Variants in SNRPA observed in about 807,000 individuals in gnomAD.
The protein encoded by SNRPA is small nuclear ribonucleoprotein polypeptide A, also known as U1 small nuclear ribonucleoprotein A.
In SNRPA, 10 loss-of-function variants were observed where a neutral mutation model predicts 24.5. The observed-to-expected ratio is 0.41, with a 90% CI of 0.25 to 0.69. The LOEUF is 0.69. Ranked by LOEUF, SNRPA falls within the 30% of genes least tolerant of loss-of-function variation. The pLI is 0.33. For missense variants in SNRPA, 283 were observed against 394.7 expected, an observed-to-expected ratio of 0.72 and a Z score of 2.40; for synonymous variants, 165 against 148.4, an observed-to-expected ratio of 1.11 and a Z score of -0.81.
chr19:40,762,543 C>T (rs966957686), intron 3 of SNRPA, among the ~76,000 whole-genome samples: 1 of 151,832 alleles, frequency 6.6e-6, no homozygotes, highest in East Asian at 2.0e-4. Context: ...CTGCACCTGC[C>T]CTGACTGTCC....
chr19:40,757,546 G>T, intron 2 of SNRPA, 42 bp downstream of exon 2: 1 of 1,551,770 alleles, frequency 6.4e-7, no homozygotes, highest in South Asian at 1.2e-5. Flanking sequence ...TGTGTAAAAT[G>T]TTATAGGAGA....
At chr19:40,757,646 A>G (rs1013629598) in intron 2 of SNRPA, 142 bp downstream of exon 2, 4 of 798,790 alleles carry the variant, frequency 5.0e-6, no homozygotes, top group Non-Finnish European at 1.9e-6. Context: ...TGCCTCATTT[A>G]AAAATCTTTT....
At position 40,752,268 on chromosome 19, in the gene SNRPA, C is replaced by T. The variant is rs952220991; in HGVS notation, c.73+787C>T. 6.0e-5 allele frequency among the ~76,000 whole-genome samples: 9 copies of T among 150,596 alleles called. No homozygotes were observed. The East Asian group carries it at 1.2e-3, about 20-fold the overall frequency. ...AGGAGAATTGCTTGAACCCAGGAGA[C>T]GGAGGTTGCAGTGAGCCGAGATTGC... On this transcript the variant is annotated intron_variant, in intron 1 of 5. Transcript: ENST00000243563.
intron 1 of SNRPA, 42 bp downstream of exon 1, chr19:40,751,523 G>A (rs746275257): frequency 2.4e-5 from 34 of 1,434,904 alleles, no homozygotes; most frequent in Non-Finnish European, 3.1e-5. Context: ...TGTCCCGCAC[G>A]GGCTGGCCCC....
At position 40,751,322 on chromosome 19, in the gene SNRPA, AG is replaced by A; in HGVS notation, c.-86del. 1 of 998,038 alleles carries A rather than the reference AG, an allele frequency of 1.0e-6. No homozygotes were observed. The highest frequency in any genetic ancestry group is 1.3e-5 in the South Asian group (1 of 78,320). 61.8% of individuals were successfully genotyped at this position (998,038 alleles called of 1,614,324 possible). A position where few individuals can be genotyped will look rare whatever the true frequency, so the allele number is the denominator to read the frequency against. Reference sequence around the variant, plus strand: ...CCTTTTCGGAGGAAGATCCTTGAGCAGCCGACGTTGGGACAAAGGATTTGGA... The same window carrying A: ...CCTTTTCGGAGGAAGATCCTTGAGCACCGACGTTGGGACAAAGGATTTGGA... On this transcript the variant is annotated 5_prime_UTR_variant, in exon 1 of 6. Transcript: ENST00000243563.
At chr19:40,762,842 G>T in intron 3 of SNRPA, 59 bp from the exon 4 acceptor site, 4 of 1,557,108 alleles carry the variant, frequency 2.6e-6, no homozygotes, top group Non-Finnish European at 3.5e-6. Context: ...TCCTTTCATG[G>T]CCTCTTCTCT....
chr19:40,759,842 T>C (rs2082924359), intron 3 of SNRPA, among the ~76,000 whole-genome samples: 1 of 152,200 alleles, frequency 6.6e-6, no homozygotes, highest in Non-Finnish European at 1.5e-5. Context: ...TCAAGGTCTT[T>C]CTTCATGGCT....
At chr19:40,761,489 C>T (rs2082932651) in intron 3 of SNRPA, among the ~76,000 whole-genome samples, 1 of 85,218 alleles carries the variant, frequency 1.2e-5, no homozygotes, top group South Asian at 4.0e-4. Flanking sequence ...TTTTTTGAGA[C>T]AGAGCCTCGC....
chr19:40,757,717 T>C (rs935176986), intron 2 of SNRPA, among the ~76,000 whole-genome samples: 1 of 151,700 alleles, frequency 6.6e-6, no homozygotes, highest in East Asian at 2.0e-4. Flanking sequence ...CCGAGGCAGG[T>C]GGATTACCTG....
Position 40,759,629 on chromosome 19 carries a change from A to G in SNRPA, c.426+19A>G. On this transcript the variant is annotated intron_variant, in intron 3 of 5. Transcript: ENST00000243563. ...TGTCCCGGTAAGCCAGGTCCCGGAGACCAACCCTCCCACTGCCAGACCTTC... is the reference window on the plus strand; with the variant it reads ...TGTCCCGGTAAGCCAGGTCCCGGAGGCCAACCCTCCCACTGCCAGACCTTC... 6.3e-7 allele frequency: 1 copy of G among 1,582,614 alleles called. No individual in the cohort carries two copies.
chr19:40,754,140 G>A (rs538181200), intron 1 of SNRPA, among the ~76,000 whole-genome samples: 2 of 134,194 alleles, frequency 1.5e-5, no homozygotes, highest in East Asian at 4.7e-4. Context: ...GTGTCGCTCT[G>A]TTGCCCAGGC....
chr19:40,757,733 A>C (rs2082914498), intron 2 of SNRPA, among the ~76,000 whole-genome samples: 1 of 151,846 alleles, frequency 6.6e-6, no homozygotes, highest in Non-Finnish European at 1.5e-5. Context: ...ACCTGAGCTC[A>C]GGAGTTTGCA....
At chr19:40,755,601 C>T (rs1260967178) in intron 1 of SNRPA, among the ~76,000 whole-genome samples, 2 of 152,220 alleles carry the variant, frequency 1.3e-5, no homozygotes, top group Admixed American at 1.3e-4. Context: ...GTCTTGAACT[C>T]TTGAGTGCAA....
chr19:40,752,598 A>G (rs1002854707), intron 1 of SNRPA, among the ~76,000 whole-genome samples: 3 of 150,332 alleles, frequency 2.0e-5, no homozygotes, highest in Non-Finnish European at 4.5e-5. Context: ...AAAAAAAAAA[A>G]AAAAAGGCTG....
chr19:40,758,582 T>C (rs1016776720), intron 2 of SNRPA, among the ~76,000 whole-genome samples: 8 of 152,212 alleles, frequency 5.3e-5, no homozygotes, highest in African/African-American at 1.9e-4. Context: ...TGTCAGGTAC[T>C]GTTCCAAGCA....
chr19:40,756,460 G>A (rs2082908882), intron 1 of SNRPA, among the ~76,000 whole-genome samples: 1 of 151,960 alleles, frequency 6.6e-6, no homozygotes, highest in Non-Finnish European at 1.5e-5. Flanking sequence ...GCTGGGCATG[G>A]TGGCATACAC....
intron 4 of SNRPA, 21 bp downstream of exon 4, chr19:40,763,095 A>C (rs2082939901): frequency 2.6e-6 from 4 of 1,525,684 alleles, no homozygotes; most frequent in Non-Finnish European, 3.5e-6. Context: ...AGTCCCACCC[A>C]CCAGGTCTCA....
At chr19:40,755,806 G>A (rs959165072) in intron 1 of SNRPA, among the ~76,000 whole-genome samples, 1 of 152,166 alleles carries the variant, frequency 6.6e-6, no homozygotes, top group African/African-American at 2.4e-5. Flanking sequence ...AGATGTGGTG[G>A]TACCGGGTTC....
At chr19:40,764,978 G>A (rs753323157) in intron 5 of SNRPA, 30 bp from the exon 6 acceptor site, 1 of 1,504,360 alleles carries the variant, frequency 6.6e-7, no homozygotes, top group South Asian at 1.3e-5. Context: ...GGGAAATGCT[G>A]AGTCCCTGAG....
Sources: allele counts gnomAD v4.1 joint callset (sites outside exome capture counted in the v4.1 genomes callset), GRCh38; gene constraint gnomAD v4.1.1; transcripts MANE v1.5; gene names NCBI Gene and HGNC (gene_info 2026-07-23, HGNC 2026-07-21).